SLCO5A1: variants seen among roughly 807,000 people sequenced by gnomAD.
The protein encoded by SLCO5A1 is organic anion transporter polypeptide-related protein 4.
A neutral mutation model predicts 65.1 loss-of-function variants in SLCO5A1; 39 were observed. The ratio of observed to expected loss-of-function variants is 0.60; its 90% CI spans 0.46 to 0.78. The LOEUF (loss-of-function observed/expected upper bound fraction) is 0.78, where lower values mean the gene tolerates loss of function less well. Among genes scored for constraint, SLCO5A1 ranks in the 30% least tolerant of loss-of-function variants. SLCO5A1 has a pLI of 0.00. For synonymous variants in SLCO5A1, 438 were observed against 415.7 expected, an observed-to-expected ratio of 1.05 and a Z score of -0.65; for missense variants, 1,029 against 1,069.4, an observed-to-expected ratio of 0.96 and a Z score of 0.53.
Position 69,767,906 on chromosome 8 carries a change from A to AG in SLCO5A1, c.908-6032_908-6031insC, listed in dbSNP as rs1381265578. Among the ~76,000 whole-genome samples the AG allele has an allele frequency of 5.0e-5, 7 of 139,780 alleles. 1 individual carries two copies. The highest frequency in any genetic ancestry group is 9.0e-5 in the Non-Finnish European group (6 of 66,556). The allele number at this position is 139,780 out of a possible 152,430, so 91.7% of individuals were successfully genotyped here. A position where few individuals can be genotyped will look rare whatever the true frequency, so the allele number is the denominator to read the frequency against. ...CTCCATCTCAAAAAAAAAAAAAAAAAAAAAACAAAAAGAAAAAGAAAAAGA... is the reference window on the plus strand; with the variant it reads ...CTCCATCTCAAAAAAAAAAAAAAAAAGAAAAACAAAAAGAAAAAGAAAAAGA... On this transcript the variant is annotated intron_variant, in intron 2 of 9. Transcript: ENST00000260126.
chr8:69,774,193 TGCAGC>T (rs1818464604), intron 2 of SLCO5A1, among the ~76,000 whole-genome samples: 1 of 152,236 alleles, frequency 6.6e-6, no homozygotes, highest in Admixed American at 6.5e-5. Context: ...CAGAAGCAGC[TGCAGC>T]TTCGTCCTTA....
chr8:69,723,272 G>A lies in SLCO5A1; in HGVS notation c.1423+14768C>T, dbSNP rs115315983. 2.3e-3 allele frequency among the ~76,000 whole-genome samples: 350 copies of A among 151,662 alleles called. 4 individuals are homozygous for A. Among genetic ancestry groups the A allele is most frequent in the African/African-American group, 8.1e-3 (333 of 41,304 alleles). On this transcript the variant is annotated intron_variant, in intron 5 of 9. Coordinates refer to ENST00000260126, the MANE Select transcript of SLCO5A1 (RefSeq NM_030958.3). The stretch of plus-strand genomic sequence containing the variant: ...TTTTTTTATTTTATTTATTTTTTTA[G>A]ACAAGGTCTCACTCTGTCACCGAGG...
intron 2 of SLCO5A1, among the ~76,000 whole-genome samples, chr8:69,825,743 T>C (rs905283746): frequency 6.6e-6 from 1 of 152,080 alleles, no homozygotes; most frequent in African/African-American, 2.4e-5. Context: ...CCCATCAAGC[T>C]ACCAATGACT....
chr8:69,752,030 A>G (rs1172845959), intron 4 of SLCO5A1, among the ~76,000 whole-genome samples: 1 of 152,188 alleles, frequency 6.6e-6, no homozygotes, highest in Non-Finnish European at 1.5e-5. Flanking sequence ...CAGGAGTTCT[A>G]GATCAGCCTG....
chr8:69,688,569 G>C (rs539655107), intron 6 of SLCO5A1, among the ~76,000 whole-genome samples: 123 of 144,742 alleles, frequency 8.5e-4, no homozygotes, highest in African/African-American at 2.8e-3. Context: ...TCCCATCTAT[G>C]AGTGAGAACA....
rs911544278 is a variant in SLCO5A1, at chr8:69,765,025, TATAG to T, written c.908-3154_908-3151del. Among the ~76,000 whole-genome samples the T allele has an allele frequency of 2.9e-3, 442 of 152,296 alleles. 1 individual carries two copies. The highest frequency in any genetic ancestry group is 0.01 in the African/African-American group (421 of 41,570). On this transcript the variant is annotated intron_variant, in intron 2 of 9. Transcript: ENST00000260126. The stretch of plus-strand genomic sequence containing the variant: ...AAAAACCCTTAACTACTCCCTAAAA[TATAG>T]ATAAAGCTTTTTAAAATTTGGAAAA...
intron 2 of SLCO5A1, among the ~76,000 whole-genome samples, chr8:69,829,506 T>C (rs1299007020): frequency 1.3e-5 from 2 of 152,182 alleles, no homozygotes; most frequent in Non-Finnish European, 2.9e-5. Context: ...GGAAACATGA[T>C]GAAACTCTAT....
chr8:69,747,660 T>C (rs537719098), intron 4 of SLCO5A1, among the ~76,000 whole-genome samples: 69 of 152,304 alleles, frequency 4.5e-4, no homozygotes, highest in African/African-American at 1.4e-3. Flanking sequence ...CACCAAGGAG[T>C]TCTGGAACCC....
chr8:69,738,978 G>T, intron 4 of SLCO5A1, among the ~76,000 whole-genome samples: 1 of 152,148 alleles, frequency 6.6e-6, no homozygotes, highest in South Asian at 2.1e-4. Context: ...AATGTAGGAG[G>T]GGGGAATCTA....
At chr8:69,780,861 A>G (rs952853623) in intron 2 of SLCO5A1, among the ~76,000 whole-genome samples, 20 of 152,238 alleles carry the variant, frequency 1.3e-4, no homozygotes, top group African/African-American at 4.6e-4. Flanking sequence ...CTGAAAAAAA[A>G]AAATCACATC....
At chr8:69,758,381 T>C (rs995976048) in intron 3 of SLCO5A1, among the ~76,000 whole-genome samples, 14 of 152,020 alleles carry the variant, frequency 9.2e-5, no homozygotes, top group Non-Finnish European at 1.8e-4. Flanking sequence ...GGTCTCACTA[T>C]GTTGCCCAGG....
At chr8:69,773,586 C>T (rs1371604648) in intron 2 of SLCO5A1, among the ~76,000 whole-genome samples, 1 of 152,204 alleles carries the variant, frequency 6.6e-6, no homozygotes, top group Non-Finnish European at 1.5e-5. Flanking sequence ...CTCATTCATT[C>T]TCTCTGTTTT....
intron 5 of SLCO5A1, among the ~76,000 whole-genome samples, chr8:69,726,496 CTTTT>C (rs1554613253): frequency 2.6e-5 from 3 of 115,012 alleles, no homozygotes; most frequent in African/African-American, 3.5e-5. Flanking sequence ...TTCCTACCTC[CTTTT>C]TTTTTTTTTT....
chr8:69,818,463 C>T (rs917816610), intron 2 of SLCO5A1, among the ~76,000 whole-genome samples: 7 of 152,188 alleles, frequency 4.6e-5, no homozygotes, highest in African/African-American at 1.7e-4. Context: ...GAGAGTCTCA[C>T]ACACATTCAG....
chr8:69,813,890 G>A (rs1013250238), intron 2 of SLCO5A1, among the ~76,000 whole-genome samples: 1 of 152,188 alleles, frequency 6.6e-6, no homozygotes, highest in East Asian at 1.9e-4. Flanking sequence ...AACGCCAGTG[G>A]TTAGATCCTC....
At chr8:69,747,743 T>G (rs557624811) in intron 4 of SLCO5A1, among the ~76,000 whole-genome samples, 1 of 152,308 alleles carries the variant, frequency 6.6e-6, no homozygotes, top group East Asian at 1.9e-4. Flanking sequence ...TCCTGTCATT[T>G]TTATTCTTTA....
At chr8:69,711,320 T>G (rs903648838) in intron 5 of SLCO5A1, among the ~76,000 whole-genome samples, 10 of 151,996 alleles carry the variant, frequency 6.6e-5, no homozygotes, top group African/African-American at 2.4e-4. Context: ...CTCTCACCAC[T>G]GCGCACCTCA....
intron 6 of SLCO5A1, among the ~76,000 whole-genome samples, chr8:69,690,165 G>A (rs988717169): frequency 2.0e-4 from 29 of 145,084 alleles, no homozygotes; most frequent in East Asian, 1.0e-3. Context: ...CGCCAAGCCC[G>A]TTCCCTTGGC....
intron 2 of SLCO5A1, among the ~76,000 whole-genome samples, chr8:69,784,625 T>C (rs1231653531): frequency 6.6e-6 from 1 of 151,446 alleles, no homozygotes; most frequent in Non-Finnish European, 1.5e-5. Flanking sequence ...CCATCTCTAC[T>C]AAAAATACAA....
Sources: allele counts gnomAD v4.1 joint callset (sites outside exome capture counted in the v4.1 genomes callset), GRCh38; gene constraint gnomAD v4.1.1; transcripts MANE v1.5; gene names NCBI Gene and HGNC (gene_info 2026-07-23, HGNC 2026-07-21).